The following TGFBR3 variants were observed in gnomAD, a reference collection of about 807,000 sequenced individuals.
The protein encoded by TGFBR3 is transforming growth factor beta receptor 3.
In TGFBR3, 46 loss-of-function variants were observed where a neutral mutation model predicts 87.9. The observed-to-expected ratio is 0.52, with a 90% CI of 0.41 to 0.67. The LOEUF (loss-of-function observed/expected upper bound fraction) is 0.67. TGFBR3 is among the 30% of genes least tolerant of loss of function. The pLI is 0.00. For synonymous variants in TGFBR3, 381 were observed against 391.6 expected, an observed-to-expected ratio of 0.97 and a Z score of 0.32; for missense variants, 866 against 1,041.9, an observed-to-expected ratio of 0.83 and a Z score of 2.32.
chr1:91,712,135 G>A, intron 13 of TGFBR3, 108 bp downstream of exon 13: 1 of 941,608 alleles, frequency 1.1e-6, no homozygotes. Flanking sequence ...ATTTCAGTTG[G>A]GCAGTTCCAA....
intron 5 of TGFBR3, among the ~76,000 whole-genome samples, chr1:91,734,142 A>T (rs1672873755): frequency 6.6e-6 from 1 of 152,194 alleles, no homozygotes; most frequent in Admixed American, 6.5e-5. Flanking sequence ...TTTTTGTTTT[A>T]AAAAAGGCTT....
At chr1:91,854,930 AG>A (rs1677880116) in intron 2 of TGFBR3, among the ~76,000 whole-genome samples, 1 of 152,204 alleles carries the variant, frequency 6.6e-6, no homozygotes. Context: ...GGCTGCTGTG[AG>A]GATCAAATGA....
intron 2 of TGFBR3, among the ~76,000 whole-genome samples, chr1:91,853,523 C>T (rs1447044410): frequency 6.6e-6 from 1 of 151,870 alleles, no homozygotes; most frequent in Non-Finnish European, 1.5e-5. Flanking sequence ...CTTTCAAGTA[C>T]AGGATAAATG....
In TGFBR3 at chr1:91,859,437, G is replaced by C. The variant is rs977238674; in HGVS notation, c.61+2034C>G. Among the ~76,000 whole-genome samples the C allele has an allele frequency of 2.1e-4, 31 of 148,926 alleles. 1 individual carries two copies. The highest frequency in any genetic ancestry group is 7.2e-4 in the African/African-American group (29 of 40,218). ...TTTTTTTTTGGGAGGTGGGGGTGGG[G>C]GGGTGCATTTCTACTACTTTTCGAT... On this transcript the variant is annotated intron_variant, in intron 2 of 16. Transcript: ENST00000212355.
At chr1:91,724,912 G>A (rs1308959596) in intron 7 of TGFBR3, among the ~76,000 whole-genome samples, 3 of 152,170 alleles carry the variant, frequency 2.0e-5, no homozygotes, top group African/African-American at 7.2e-5. Context: ...AGAGAGCGTA[G>A]TGCATATGCC....
At chr1:91,717,920 A>C in intron 10 of TGFBR3, among the ~76,000 whole-genome samples, 1 of 150,588 alleles carries the variant, frequency 6.6e-6, no homozygotes, top group Admixed American at 6.6e-5. Context: ...TACTGTAGCC[A>C]CTTTTGGTGT....
chr1:91,865,202 C>CAAAAAAAAAAAAAA (rs67134125), intron 1 of TGFBR3, among the ~76,000 whole-genome samples: 5 of 105,234 alleles, frequency 4.8e-5, no homozygotes, highest in African/African-American at 7.5e-5. Flanking sequence ...GACTCCATCT[C>CAAAAAAAAAAAAAA]AAAAAAAAAA....
chr1:91,709,679 T>A (rs1018475734), intron 13 of TGFBR3, among the ~76,000 whole-genome samples: 12 of 152,228 alleles, frequency 7.9e-5, no homozygotes, highest in Non-Finnish European at 1.8e-4. Context: ...CCACTACATC[T>A]GTTTTGAAAA....
At chr1:91,823,814 A>G (rs964677064) in intron 2 of TGFBR3, among the ~76,000 whole-genome samples, 2 of 152,176 alleles carry the variant, frequency 1.3e-5, no homozygotes, top group African/African-American at 4.8e-5. Flanking sequence ...ATTCATTAAT[A>G]CTCATCAAAA....
intron 3 of TGFBR3, among the ~76,000 whole-genome samples, chr1:91,775,496 A>G (rs451698): frequency 0.36 from 54,895 of 151,962 alleles, 11,432 homozygotes; most frequent in African/African-American, 0.58. Context: ...CAGTTCAAGC[A>G]CGCTTCCTCT....
chr1:91,780,884 T>C lies in TGFBR3; in HGVS notation c.246+16403A>G, dbSNP rs1423540817. Among the ~76,000 whole-genome samples the C allele has an allele frequency of 8.4e-4, 112 of 132,658 alleles. 1 individual carries two copies. The highest frequency in any genetic ancestry group is 3.0e-3 in the African/African-American group (103 of 34,556). 87.0% of individuals were successfully genotyped at this position (132,658 alleles called of 152,430 possible). On this transcript the variant is annotated intron_variant, in intron 3 of 16. Transcript: ENST00000212355. ...TCCTAAGGCTTTTAAACTAGAGAAC[T>C]ACACACACACACACACACACACACA... is the stretch of plus-strand genomic sequence containing the variant.
At chr1:91,847,467 G>A (rs1677544511) in intron 2 of TGFBR3, among the ~76,000 whole-genome samples, 1 of 151,634 alleles carries the variant, frequency 6.6e-6, no homozygotes, top group African/African-American at 2.4e-5. Flanking sequence ...GCCAGGCGTG[G>A]TAGTGCATGC....
At chr1:91,844,353 GGT>G (rs1346371995) in intron 2 of TGFBR3, among the ~76,000 whole-genome samples, 7 of 152,136 alleles carry the variant, frequency 4.6e-5, no homozygotes, top group African/African-American at 1.7e-4. Flanking sequence ...CTAAAACAGA[GGT>G]TCTTAAACAT....
exon 2 of TGFBR3, chr1:91,899,697 A>T (rs896933579): frequency 5.3e-5 from 8 of 152,178 alleles, no homozygotes; most frequent in Admixed American, 2.6e-4. Flanking sequence ...CCTTGCTTTG[A>T]CTACAAATAA....
At chr1:91,706,487 C>T (rs1671803114) in intron 14 of TGFBR3, among the ~76,000 whole-genome samples, 1 of 152,096 alleles carries the variant, frequency 6.6e-6, no homozygotes, top group African/African-American at 2.4e-5. Context: ...AATGTCATAG[C>T]AAAGCCTAGA....
rs1671490186 is a variant in TGFBR3 at position 91,698,019 on chromosome 1, G to A, written c.2329+70C>T. 7 of 1,456,106 alleles carry A rather than the reference G, an allele frequency of 4.8e-6. No individual in the cohort carries two copies. In the African/African-American group the frequency reaches 5.6e-5, roughly 12 times the overall value. 90.2% of individuals were successfully genotyped at this position (1,456,106 alleles called of 1,614,324 possible). A position where few individuals can be genotyped will look rare whatever the true frequency, so the allele number is the denominator to read the frequency against. On this transcript the variant is annotated intron_variant, in intron 15 of 16. Coordinates refer to ENST00000212355, the MANE Select transcript of TGFBR3 (RefSeq NM_003243.5). ...TATCAAAACTCAAAGTTTGGCAAAT[G>A]TTCACTAACCAACTCATTCTTAGGA... is the stretch of plus-strand genomic sequence containing the variant.
chr1:91,756,953 A>T (rs987249383), intron 4 of TGFBR3, among the ~76,000 whole-genome samples: 1 of 152,206 alleles, frequency 6.6e-6, no homozygotes, highest in African/African-American at 2.4e-5. Flanking sequence ...TTACATAAAA[A>T]CAACATAATT....
chr1:91,849,892 C>T (rs2101140220), intron 2 of TGFBR3, among the ~76,000 whole-genome samples: 1 of 152,020 alleles, frequency 6.6e-6, no homozygotes, highest in Non-Finnish European at 1.5e-5. Context: ...ACCATCCTGG[C>T]TAACACGGTG....
chr1:91,854,563 T>C (rs1406772896), intron 2 of TGFBR3, among the ~76,000 whole-genome samples: 1 of 152,074 alleles, frequency 6.6e-6, no homozygotes, highest in East Asian at 1.9e-4. Context: ...AAAAATAATA[T>C]ATTTTACACA....
Sources: allele counts gnomAD v4.1 joint callset (sites outside exome capture counted in the v4.1 genomes callset), GRCh38; gene constraint gnomAD v4.1.1; transcripts MANE v1.5; gene names NCBI Gene and HGNC (gene_info 2026-07-23, HGNC 2026-07-21).